The following SPMIP7 variants were observed in gnomAD, a reference collection of about 807,000 sequenced individuals.
SPMIP7 encodes sperm microtubule inner protein 7, also known as protein SPMIP7.
the SPMIP7 span, chr7:50,135,951 A>G: frequency 1.7e-6 from 1 of 577,442 alleles, no homozygotes; most frequent in Non-Finnish European, 3.2e-6. Flanking sequence ...GAATCCATGA[A>G]GTGCTAGCAA....
the SPMIP7 span, among the ~76,000 whole-genome samples, chr7:50,157,900 T>TA: frequency 0.37 from 55,669 of 151,896 alleles, 10,634 homozygotes; most frequent in Non-Finnish European, 0.44. Flanking sequence ...AAAGCTTTTT[T>TA]AAAAAAAATT....
chr7:50,151,736 C>T, the SPMIP7 span, among the ~76,000 whole-genome samples: 4 of 152,144 alleles, frequency 2.6e-5, no homozygotes, highest in Non-Finnish European at 5.9e-5. Context: ...CTGAGGGGAA[C>T]TTTATTAAGC....
chr7:50,107,380 A>G, the SPMIP7 span, among the ~76,000 whole-genome samples: 38 of 71,348 alleles, frequency 5.3e-4, no homozygotes, highest in East Asian at 0.012. Context: ...AAAAAAAAAA[A>G]AAAAAGAAAA....
the SPMIP7 span, among the ~76,000 whole-genome samples, chr7:50,130,413 G>A: frequency 3.3e-5 from 5 of 152,164 alleles, no homozygotes; most frequent in South Asian, 4.1e-4. Flanking sequence ...ATCAGATCTC[G>A]TGAGACTTAT....
At chr7:50,136,955 A>G in the SPMIP7 span, among the ~76,000 whole-genome samples, 1 of 152,290 alleles carries the variant, frequency 6.6e-6, no homozygotes, top group South Asian at 2.1e-4. Context: ...TATTACTTAC[A>G]CAATGGAAAA....
chr7:50,122,604 G>C, the SPMIP7 span, among the ~76,000 whole-genome samples: 3 of 150,254 alleles, frequency 2.0e-5, no homozygotes, highest in African/African-American at 7.3e-5. Flanking sequence ...CACAGCAAAA[G>C]AAACTACCAT....
At chr7:50,139,885 A>T in the SPMIP7 span, among the ~76,000 whole-genome samples, 1 of 152,352 alleles carries the variant, frequency 6.6e-6, no homozygotes, top group Non-Finnish European at 1.5e-5. Flanking sequence ...AACACACAAC[A>T]ATATAAATGA....
chr7:50,103,296 T>C, the SPMIP7 span, among the ~76,000 whole-genome samples: 1 of 152,122 alleles, frequency 6.6e-6, no homozygotes, highest in East Asian at 1.9e-4. Flanking sequence ...GGACCAAATC[T>C]GAAGCCCCCA....
At chr7:50,141,469 AT>A in the SPMIP7 span, 3 of 886,894 alleles carry the variant, frequency 3.4e-6, no homozygotes, top group Non-Finnish European at 3.6e-6. Context: ...AAATGAAGGA[AT>A]TTAAACGTGG....
At chr7:50,112,240 A>G in the SPMIP7 span, among the ~76,000 whole-genome samples, 1 of 152,158 alleles carries the variant, frequency 6.6e-6, no homozygotes, top group African/African-American at 2.4e-5. Context: ...AGATGGTTGA[A>G]GTGGAAGATA....
the SPMIP7 span, among the ~76,000 whole-genome samples, chr7:50,130,024 G>A: frequency 6.6e-6 from 1 of 152,082 alleles, no homozygotes; most frequent in Non-Finnish European, 1.5e-5. Context: ...GGTCAAAGAG[G>A]GAGTGGGGGG....
the SPMIP7 span, among the ~76,000 whole-genome samples, chr7:50,106,340 A>T: frequency 1.3e-5 from 2 of 152,194 alleles, no homozygotes; most frequent in East Asian, 3.9e-4. Context: ...GTTGGAGTTG[A>T]TCCATACAAG....
At chr7:50,130,453 C>G in the SPMIP7 span, among the ~76,000 whole-genome samples, 67 of 152,074 alleles carry the variant, frequency 4.4e-4, no homozygotes, top group Non-Finnish European at 5.7e-4. Flanking sequence ...ATGGGGGAAA[C>G]TGCCCCCATG....
At chr7:50,117,304 G>A in the SPMIP7 span, 3 of 452,128 alleles carry the variant, frequency 6.6e-6, no homozygotes, top group Admixed American at 4.8e-5. Flanking sequence ...GCCTGTGATT[G>A]GACTCAGTAG....
the SPMIP7 span, among the ~76,000 whole-genome samples, chr7:50,103,173 A>G: frequency 2.0e-5 from 3 of 151,692 alleles, no homozygotes; most frequent in Non-Finnish European, 4.4e-5. Flanking sequence ...CTCACAATGC[A>G]TCTCTCTCAT....
the SPMIP7 span, among the ~76,000 whole-genome samples, chr7:50,150,825 A>G: frequency 6.9e-4 from 105 of 152,178 alleles, no homozygotes; most frequent in Non-Finnish European, 1.4e-3. Context: ...TTTATCTCCC[A>G]CTGTCCCTGG....
chr7:50,102,508 A>G, the SPMIP7 span, among the ~76,000 whole-genome samples: 4 of 151,974 alleles, frequency 2.6e-5, no homozygotes, highest in Non-Finnish European at 5.9e-5. Context: ...CCCATATCCT[A>G]CTCATATGAT....
At chr7:50,136,141 T>C in the SPMIP7 span, 1 of 1,551,344 alleles carries the variant, frequency 6.4e-7, no homozygotes. Context: ...AGATCTTTCT[T>C]GGCACCAGTC....
At chr7:50,098,153 T>A in the SPMIP7 span, among the ~76,000 whole-genome samples, 1 of 152,184 alleles carries the variant, frequency 6.6e-6, no homozygotes, top group Non-Finnish European at 1.5e-5. Context: ...CACACTGGTA[T>A]GCTCTTCAGT....
Sources: allele counts gnomAD v4.1 joint callset (sites outside exome capture counted in the v4.1 genomes callset), GRCh38; gene constraint gnomAD v4.1.1; transcripts MANE v1.5; gene names NCBI Gene and HGNC (gene_info 2026-07-23, HGNC 2026-07-21).